BRINP3: variants seen among roughly 807,000 people sequenced by gnomAD.
The protein encoded by BRINP3 is BMP/retinoic acid-inducible neural-specific protein 3.
A neutral mutation model predicts 71.0 loss-of-function variants in BRINP3; 19 were observed. The ratio of observed to expected loss-of-function variants is 0.27; its 90% CI spans 0.19 to 0.39. The LOEUF (loss-of-function observed/expected upper bound fraction) is 0.39, where lower values mean the gene tolerates loss of function less well. Among genes scored for constraint, BRINP3 ranks in the 10% least tolerant of loss-of-function variants. The probability of loss-of-function intolerance (pLI) is 1.00; values close to 1 mark genes in which losing one functional copy is unlikely to be tolerated. For synonymous variants in BRINP3, 380 were observed against 337.7 expected (o/e 1.13, Z -1.37); for missense variants, 959 against 940.8 (o/e 1.02, Z -0.25).
rs533103515 is a variant in BRINP3 at position 190,362,971 on chromosome 1, GATC to G, written c.237-81224_237-81222del. 6.6e-3 allele frequency among the ~76,000 whole-genome samples: 1,000 copies of G among 152,146 alleles called. 5 individuals are homozygous for G. The highest frequency in any genetic ancestry group is 0.021 in the African/African-American group (891 of 41,526). On this transcript the variant is annotated intron_variant, in intron 2 of 7. Coordinates refer to ENST00000367462, the MANE Select transcript of BRINP3 (RefSeq NM_199051.3). ...AAATCTTGATTCCAGAAAGAACTGT[GATC>G]ATGATAGGATATTATTTCTATAAAT...
chr1:190,290,218 C>T (rs1483895003), intron 2 of BRINP3, among the ~76,000 whole-genome samples: 1 of 152,004 alleles, frequency 6.6e-6, no homozygotes, highest in Non-Finnish European at 1.5e-5. Context: ...GAAACACTAA[C>T]CGTATGTAAA....
At chr1:190,401,190 T>A (rs1190832543) in intron 2 of BRINP3, among the ~76,000 whole-genome samples, 1 of 151,734 alleles carries the variant, frequency 6.6e-6, no homozygotes, top group Admixed American at 6.6e-5. Flanking sequence ...AAACCCCGTA[T>A]TTACCAAAAA....
chr1:190,453,203 A>ATTTTTTTTGTTTTTTTTTTT (rs1675745908), intron 2 of BRINP3, among the ~76,000 whole-genome samples: 1 of 40,888 alleles, frequency 2.4e-5, no homozygotes, highest in Non-Finnish European at 4.2e-5. Context: ...AAACTTTAGT[A>ATTTTTTTTGTTTTTTTTTTT]TTTTTTTTTT....
chr1:190,222,005 A>G (rs1656934460), intron 6 of BRINP3, among the ~76,000 whole-genome samples: 1 of 152,046 alleles, frequency 6.6e-6, no homozygotes, highest in Admixed American at 6.6e-5. Context: ...TAATGAACAT[A>G]TCATCCAGAC....
chr1:190,432,995 A>T (rs1412778501), intron 2 of BRINP3, among the ~76,000 whole-genome samples: 1 of 152,196 alleles, frequency 6.6e-6, no homozygotes, highest in Non-Finnish European at 1.5e-5. Context: ...TGTTAAATTT[A>T]TTGAAAAGAA....
intron 2 of BRINP3, among the ~76,000 whole-genome samples, chr1:190,404,999 C>T (rs1357485436): frequency 6.6e-6 from 1 of 151,854 alleles, no homozygotes; most frequent in Non-Finnish European, 1.5e-5. Context: ...ATACATAGAA[C>T]CAAATATATT....
At chr1:190,338,183 A>G (rs1667416563) in intron 2 of BRINP3, among the ~76,000 whole-genome samples, 1 of 152,206 alleles carries the variant, frequency 6.6e-6, no homozygotes, top group East Asian at 1.9e-4. Context: ...CAAATCTCAG[A>G]ATGCAATGCG....
chr1:190,109,823 A>G (rs1221745543), intron 7 of BRINP3, among the ~76,000 whole-genome samples: 1 of 152,224 alleles, frequency 6.6e-6, no homozygotes, highest in African/African-American at 2.4e-5. Context: ...GTAGTCCCTC[A>G]GGTTCTCAGG....
At chr1:190,148,325 A>G (rs945717592) in intron 7 of BRINP3, among the ~76,000 whole-genome samples, 1 of 151,824 alleles carries the variant, frequency 6.6e-6, no homozygotes, top group Non-Finnish European at 1.5e-5. Flanking sequence ...TGCCGGGTGC[A>G]GTGGCTCACG....
intron 2 of BRINP3, among the ~76,000 whole-genome samples, chr1:190,409,391 C>T (rs1558260929): frequency 6.6e-6 from 1 of 151,898 alleles, no homozygotes; most frequent in Non-Finnish European, 1.5e-5. Flanking sequence ...GAAAAACACA[C>T]AAAAAAAGAA....
At chr1:190,469,961 A>T (rs1435094767) in intron 1 of BRINP3, among the ~76,000 whole-genome samples, 1 of 151,028 alleles carries the variant, frequency 6.6e-6, no homozygotes, top group Non-Finnish European at 1.5e-5. Context: ...TACATTTTTG[A>T]ACAGCATCTG....
intron 2 of BRINP3, among the ~76,000 whole-genome samples, chr1:190,416,088 C>A (rs1189403582): frequency 2.0e-5 from 3 of 152,062 alleles, no homozygotes; most frequent in Non-Finnish European, 4.4e-5. Context: ...ATATGGCACA[C>A]CACATGAAAT....
chr1:190,108,829 A>G (rs558739435), intron 7 of BRINP3, among the ~76,000 whole-genome samples: 4 of 152,066 alleles, frequency 2.6e-5, no homozygotes, highest in Middle Eastern at 3.4e-3. Flanking sequence ...TCTTTGGATG[A>G]TATCAGCAAT....
chr1:190,376,864 A>G (rs1670217708), intron 2 of BRINP3, among the ~76,000 whole-genome samples: 1 of 151,894 alleles, frequency 6.6e-6, no homozygotes, highest in East Asian at 1.9e-4. Context: ...CTCATTTTCT[A>G]TTTTTAGCCA....
intron 2 of BRINP3, among the ~76,000 whole-genome samples, chr1:190,301,198 CACATACATATATAT>C (rs1664683443): frequency 2.2e-4 from 6 of 26,740 alleles, no homozygotes; most frequent in Admixed American, 6.7e-4. Context: ...TATATATATA[CACATACATATATAT>C]ATATATATAT....
intron 7 of BRINP3, among the ~76,000 whole-genome samples, chr1:190,101,593 T>A (rs1651705908): frequency 2.0e-5 from 3 of 152,166 alleles, no homozygotes; most frequent in Admixed American, 2.0e-4. Flanking sequence ...TTTCTCTTTC[T>A]CTGTCCTCTC....
At chr1:190,221,911 T>C (rs1656925204) in intron 6 of BRINP3, among the ~76,000 whole-genome samples, 1 of 152,088 alleles carries the variant, frequency 6.6e-6, no homozygotes, top group South Asian at 2.1e-4. Flanking sequence ...CCTATAAGTA[T>C]ATAAAGCACA....
chr1:190,124,892 G>T (rs1351885722), intron 7 of BRINP3, among the ~76,000 whole-genome samples: 1 of 151,928 alleles, frequency 6.6e-6, no homozygotes, highest in Admixed American at 6.6e-5. Flanking sequence ...ATCAACCTCT[G>T]GACTTCATGA....
intron 7 of BRINP3, among the ~76,000 whole-genome samples, chr1:190,120,100 C>A: frequency 6.6e-6 from 1 of 150,702 alleles, no homozygotes; most frequent in East Asian, 1.9e-4. Flanking sequence ...AGGTTAACTA[C>A]TTTCTATGGG....
Sources: allele counts gnomAD v4.1 joint callset (sites outside exome capture counted in the v4.1 genomes callset), GRCh38; gene constraint gnomAD v4.1.1; transcripts MANE v1.5; gene names NCBI Gene and HGNC (gene_info 2026-07-23, HGNC 2026-07-21).